The following ANXA8 variants were observed in gnomAD, a reference collection of about 807,000 sequenced individuals.
ANXA8 encodes the protein VAC-beta.
In ANXA8, 9 loss-of-function variants were observed where a neutral mutation model predicts 26.8. The ratio of observed to expected loss-of-function variants is 0.34; its 90% CI spans 0.20 to 0.59. ANXA8 has a LOEUF of 0.59. Among genes scored for constraint, ANXA8 ranks in the 20% least tolerant of loss-of-function variants. The probability of loss-of-function intolerance (pLI) is 0.84; values close to 1 mark genes in which losing one functional copy is unlikely to be tolerated. For missense variants in ANXA8, 83 were observed against 238.5 expected (o/e 0.35, Z 4.29); for synonymous variants, 39 against 94.8 (o/e 0.41, Z 3.42).
the ANXA8 span, among the ~76,000 whole-genome samples, chr10:47,948,836 T>C: frequency 6.6e-6 from 1 of 151,704 alleles, no homozygotes; most frequent in Non-Finnish European, 1.5e-5. Flanking sequence ...TAAATGCCAG[T>C]GGCTAAGAAA....
the ANXA8 span, among the ~76,000 whole-genome samples, chr10:47,699,344 C>CAAAAAAAA: frequency 5.7e-4 from 31 of 54,102 alleles, no homozygotes; most frequent in African/African-American, 8.1e-4. Flanking sequence ...ATTCTGTCTC[C>CAAAAAAAA]AAAAAAAAAA....
At chr10:47,550,923 CT>C in the ANXA8 span, 26 of 147,528 alleles carry the variant, frequency 1.8e-4, no homozygotes, top group African/African-American at 4.1e-4. Context: ...TATAAGTAGA[CT>C]TTTTTTTAGT....
chr10:47,553,382 C>G, the ANXA8 span: 1 of 153,856 alleles, frequency 6.5e-6, no homozygotes, highest in Admixed American at 6.5e-5. Flanking sequence ...ACCCGGAGGA[C>G]CGGGGGAGGA....
the ANXA8 span, among the ~76,000 whole-genome samples, chr10:47,489,358 G>A: frequency 0.043 from 6,376 of 150,008 alleles, 29 homozygotes; most frequent in African/African-American, 0.079. Context: ...ACATAGTCTT[G>A]TGTGACTTTG....
chr10:47,648,078 G>C, the ANXA8 span, among the ~76,000 whole-genome samples: 7 of 151,880 alleles, frequency 4.6e-5, no homozygotes, highest in African/African-American at 1.7e-4. Context: ...CTCTGAAGAG[G>C]CACTTTCTGG....
the ANXA8 span, among the ~76,000 whole-genome samples, chr10:47,580,246 A>G: frequency 6.6e-6 from 1 of 152,256 alleles, no homozygotes; most frequent in South Asian, 2.1e-4. Context: ...CAGTAAATAG[A>G]ACATCTAGAC....
chr10:47,666,627 T>A, the ANXA8 span, among the ~76,000 whole-genome samples: 1 of 151,974 alleles, frequency 6.6e-6, no homozygotes, highest in Non-Finnish European at 1.5e-5. Flanking sequence ...TAAGATTTAG[T>A]TTCCAGGGGT....
chr10:47,732,692 C>A, the ANXA8 span, among the ~76,000 whole-genome samples: 1,814 of 142,230 alleles, frequency 0.013, 59 homozygotes, highest in Admixed American at 0.12. Context: ...CCTTTCTCCC[C>A]ACTAGTAAGA....
the ANXA8 span, among the ~76,000 whole-genome samples, chr10:47,496,751 G>A: frequency 2.0e-5 from 3 of 148,782 alleles, no homozygotes; most frequent in African/African-American, 7.5e-5. Flanking sequence ...AATGTTCCTC[G>A]ATTTGGGATT....
the ANXA8 span, among the ~76,000 whole-genome samples, chr10:47,743,381 T>TATACACATATATATATATAC: frequency 2.6e-5 from 2 of 77,700 alleles, 1 homozygote; most frequent in Admixed American, 3.0e-4. Flanking sequence ...CATATATATG[T>TATACACATATATATATATAC]GTGTGTGTGT....
At chr10:47,948,255 T>G in the ANXA8 span, among the ~76,000 whole-genome samples, 1 of 123,604 alleles carries the variant, frequency 8.1e-6, no homozygotes, top group Non-Finnish European at 1.6e-5. Flanking sequence ...AATACAGACA[T>G]GTAAAGATGC....
the ANXA8 span, among the ~76,000 whole-genome samples, chr10:47,733,260 TTTC>T: frequency 2.7e-5 from 3 of 110,456 alleles, no homozygotes; most frequent in Admixed American, 1.0e-4. Flanking sequence ...TCTTTCTTTC[TTTC>T]TTTCTTTCTT....
chr10:47,907,096 C>G, the ANXA8 span, among the ~76,000 whole-genome samples: 1 of 151,786 alleles, frequency 6.6e-6, no homozygotes, highest in Non-Finnish European at 1.5e-5. Flanking sequence ...GTGGCTCATG[C>G]TTGTAATCCC....
the ANXA8 span, among the ~76,000 whole-genome samples, chr10:47,941,782 C>G: frequency 6.8e-6 from 1 of 147,924 alleles, no homozygotes; most frequent in South Asian, 2.1e-4. Context: ...TTATCCAACA[C>G]CACCTACTAT....
At chr10:47,733,262 T>C in the ANXA8 span, among the ~76,000 whole-genome samples, 8 of 110,488 alleles carry the variant, frequency 7.2e-5, no homozygotes, top group African/African-American at 2.2e-4. Flanking sequence ...TTTCTTTCTT[T>C]CTTTCTTTCT....
the ANXA8 span, chr10:47,991,703 C>T: frequency 2.5e-6 from 4 of 1,611,376 alleles, no homozygotes; most frequent in Non-Finnish European, 3.4e-6. Flanking sequence ...CAGGCCATCT[C>T]TTTCACTTCG....
chr10:47,951,401 A>G, the ANXA8 span, among the ~76,000 whole-genome samples: 1 of 150,450 alleles, frequency 6.6e-6, no homozygotes, highest in African/African-American at 2.5e-5. Context: ...AACTTGCAGA[A>G]AGTAAAGGAG....
the ANXA8 span, among the ~76,000 whole-genome samples, chr10:47,698,958 G>A: frequency 2.6e-5 from 4 of 151,584 alleles, no homozygotes; most frequent in East Asian, 3.9e-4. Flanking sequence ...AGCACTCGAG[G>A]CATTGTCATT....
At chr10:47,618,311 G>A in the ANXA8 span, among the ~76,000 whole-genome samples, 1 of 109,674 alleles carries the variant, frequency 9.1e-6, no homozygotes, top group Non-Finnish European at 2.0e-5. Flanking sequence ...TTACCAGCTA[G>A]AGGAAAACCT....
Sources: gnomAD v4.1 joint callset for allele counts (sites outside exome capture counted in the v4.1 genomes callset) on GRCh38, gnomAD v4.1.1 for gene constraint, MANE v1.5 for transcripts, NCBI Gene and HGNC (gene_info 2026-07-23, HGNC 2026-07-21) for gene names.